The following GDA variants were observed in gnomAD, a reference collection of about 807,000 sequenced individuals.
The protein encoded by GDA is guanine deaminase.
In GDA, 18 loss-of-function variants were observed where a neutral mutation model predicts 59.6. That is an observed-to-expected ratio of 0.30 (90% CI 0.21 to 0.45). The LOEUF is 0.45. GDA is among the 20% of genes least tolerant of loss of function. The pLI is 1.00. For missense variants in GDA, 427 were observed against 552.3 expected (o/e 0.77, Z 2.27); for synonymous variants, 201 against 201.1 (o/e 1.00, Z 0.00).
At chr9:72,241,867 G>A (rs1190313243) in intron 11 of GDA, among the ~76,000 whole-genome samples, 3 of 152,106 alleles carry the variant, frequency 2.0e-5, no homozygotes, top group East Asian at 1.9e-4. Context: ...ACACTTCAGC[G>A]TGGGCAACAG....
At chr9:72,142,718 G>T (rs991951022) in intron 1 of GDA, among the ~76,000 whole-genome samples, 2 of 152,196 alleles carry the variant, frequency 1.3e-5, no homozygotes, top group African/African-American at 4.8e-5. Context: ...GATATTGATT[G>T]TATGTATTGC....
chr9:72,243,859 T>C (rs889825773), intron 11 of GDA, among the ~76,000 whole-genome samples: 2 of 152,112 alleles, frequency 1.3e-5, no homozygotes, highest in African/African-American at 4.8e-5. Context: ...TTAGCGGTGA[T>C]AGAATGCAAC....
At chr9:72,209,745 A>G (rs1271815356) in intron 3 of GDA, among the ~76,000 whole-genome samples, 1 of 152,094 alleles carries the variant, frequency 6.6e-6, no homozygotes, top group East Asian at 1.9e-4. Flanking sequence ...TCATTATAGG[A>G]TGAGTAGTGA....
rs143364725 is a variant in GDA, at chr9:72,137,242, C to CTTTTTTTTTTTTT, written c.-100+22418_-100+22430dup. On this transcript the variant is annotated intron_variant, in intron 1 of 13. Coordinates refer to the GDA transcript ENST00000545168. ...AAAATTAGGATCCTTTTCTTTTTTT[C>CTTTTTTTTTTTTT]TTTTTTTTTTTTTTTTTTTTTGAGA... 1.6e-3 allele frequency among the ~76,000 whole-genome samples: 133 copies of CTTTTTTTTTTTTT among 84,516 alleles called. 4 individuals carry two copies. Among genetic ancestry groups the CTTTTTTTTTTTTT allele is most frequent in the East Asian group, 2.9e-3 (7 of 2,422 alleles). The allele number at this position is 84,516 out of a possible 152,430, so 55.4% of individuals were successfully genotyped here. A position where few individuals can be genotyped will look rare whatever the true frequency, so the allele number is the denominator to read the frequency against.
intron 6 of GDA, among the ~76,000 whole-genome samples, chr9:72,221,413 T>C (rs995835354): frequency 6.6e-6 from 1 of 152,172 alleles, no homozygotes; most frequent in Admixed American, 6.5e-5. Context: ...TATTCTCCAC[T>C]TTGAGCTGTT....
chr9:72,160,432 C>T (rs1828474587), intron 1 of GDA, among the ~76,000 whole-genome samples: 1 of 152,212 alleles, frequency 6.6e-6, no homozygotes, highest in Non-Finnish European at 1.5e-5. Flanking sequence ...AATCTGCTTT[C>T]TCTATCCACT....
intron 9 of GDA, 55 bp from the exon 10 acceptor site, chr9:72,231,059 A>G (rs2131662442): frequency 6.1e-6 from 6 of 977,410 alleles, no homozygotes; most frequent in South Asian, 3.8e-5. Context: ...ATTAGTGTTC[A>G]TCTTTTATTG....
In GDA at chr9:72,245,244, T is replaced by C; in HGVS notation, c.1232T>C (p.Leu411Pro). The part of the protein sequence containing the change: ...NPKASDSPID[L>P]FYGDFFGDIS... Reference sequence around the variant, plus strand: ...AAAGCATCCGACTCTCCCATTGACCTGTTTTATGGGGACTTTTTTGGTGAT... The same window carrying C: ...AAAGCATCCGACTCTCCCATTGACCCGTTTTATGGGGACTTTTTTGGTGAT... Residue 411 changes from leucine (L) to proline (P), a missense_variant, in exon 12 of 14, where the codon CTG (leucine) becomes CCG (proline). Leu to Pro is a moderately conservative substitution (Grantham distance 98). Transcript: ENST00000358399. 1 of 1,610,844 alleles carries C rather than the reference T, an allele frequency of 6.2e-7. No homozygotes were observed. The highest frequency in any genetic ancestry group is 1.1e-5 in the South Asian group (1 of 91,010).
At chr9:72,225,993 G>A (rs1032254848) in intron 8 of GDA, among the ~76,000 whole-genome samples, 5 of 97,066 alleles carry the variant, frequency 5.2e-5, no homozygotes, top group Admixed American at 9.6e-5. Flanking sequence ...AGCCTAGTGT[G>A]TGTGTGTGTG....
chr9:72,189,438 A>C (rs1832265935), intron 1 of GDA, among the ~76,000 whole-genome samples: 1 of 151,938 alleles, frequency 6.6e-6, no homozygotes, highest in Non-Finnish European at 1.5e-5. Flanking sequence ...TCAGCCTCCC[A>C]AAGTGCTGGG....
chr9:72,124,854 C>T (rs985631847), intron 1 of GDA, among the ~76,000 whole-genome samples: 4 of 152,050 alleles, frequency 2.6e-5, no homozygotes, highest in East Asian at 1.9e-4. Flanking sequence ...GTGATCCACC[C>T]GCCTCGGCCT....
At chr9:72,214,687 C>T (rs1194465635) in intron 5 of GDA, 1 of 310,052 alleles carries the variant, frequency 3.2e-6, no homozygotes, top group Admixed American at 4.7e-5. Flanking sequence ...AGCCAGAATT[C>T]AAAACCAGGG....
upstream of GDA, among the ~76,000 whole-genome samples, chr9:72,148,027 T>C (rs923960927): frequency 3.9e-5 from 6 of 152,100 alleles, no homozygotes; most frequent in Non-Finnish European, 7.4e-5. Flanking sequence ...ACCTTAGACA[T>C]TGGTTATGGG....
chr9:72,188,549 A>G (rs946427155), intron 1 of GDA, among the ~76,000 whole-genome samples: 1 of 152,254 alleles, frequency 6.6e-6, no homozygotes, highest in African/African-American at 2.4e-5. Flanking sequence ...CTATGGGGGC[A>G]TGGCTTCATC....
intron 10 of GDA, among the ~76,000 whole-genome samples, chr9:72,236,492 C>T (rs1333904476): frequency 6.6e-6 from 1 of 152,200 alleles, no homozygotes; most frequent in African/African-American, 2.4e-5. Flanking sequence ...CAATCTCCCA[C>T]CACGAAATTC....
At chr9:72,140,808 T>A (rs1435004080) in intron 1 of GDA, among the ~76,000 whole-genome samples, 1 of 152,154 alleles carries the variant, frequency 6.6e-6, no homozygotes, top group African/African-American at 2.4e-5. Context: ...CTGACCTGAA[T>A]CCATGTAGTC....
chr9:72,254,459 CAAAA>C (rs75871655), downstream of GDA, among the ~76,000 whole-genome samples: 16,237 of 150,818 alleles, frequency 0.11, 939 homozygotes, highest in Middle Eastern at 0.12. Flanking sequence ...AAAAAAAAAA[CAAAA>C]AAACAAAACA....
At chr9:72,144,640 G>C (rs17057466), upstream of GDA, among the ~76,000 whole-genome samples, 2,262 of 152,196 alleles carry the variant, frequency 0.015, 55 homozygotes, top group African/African-American at 0.052. Flanking sequence ...GACAAAATAT[G>C]AATTGAGCCA....
At chr9:72,241,565 A>G (rs767830538) in intron 11 of GDA, among the ~76,000 whole-genome samples, 7 of 152,204 alleles carry the variant, frequency 4.6e-5, no homozygotes, top group Non-Finnish European at 8.8e-5. Flanking sequence ...CATTGGTTAC[A>G]TGGATATGAG....
Sources: allele counts gnomAD v4.1 joint callset (sites outside exome capture counted in the v4.1 genomes callset), GRCh38; gene constraint gnomAD v4.1.1; transcripts MANE v1.5; gene names NCBI Gene and HGNC (gene_info 2026-07-23, HGNC 2026-07-21).